The following ZNF385D variants were observed in gnomAD, a reference collection of about 807,000 sequenced individuals.
The protein encoded by ZNF385D is zinc finger protein 659.
In ZNF385D, 15 loss-of-function variants were observed where a neutral mutation model predicts 35.8. That is an observed-to-expected ratio of 0.42 (90% CI 0.28 to 0.64). The LOEUF is 0.64. Ranked by LOEUF, ZNF385D falls within the 30% of genes least tolerant of loss-of-function variation. The pLI, the probability that ZNF385D is intolerant of heterozygous loss-of-function variation, is 0.23. For missense variants in ZNF385D, 474 were observed against 494.6 expected, an observed-to-expected ratio of 0.96 and a Z score of 0.39; for synonymous variants, 212 against 186.8, an observed-to-expected ratio of 1.13 and a Z score of -1.10.
intron 2 of ZNF385D, among the ~76,000 whole-genome samples, chr3:22,281,226 T>C (rs1220661806): frequency 2.0e-5 from 3 of 152,106 alleles, no homozygotes; most frequent in Non-Finnish European, 4.4e-5. Flanking sequence ...ATACCCTTTC[T>C]TTCTTTCTCT....
chr3:21,809,206 G>A (rs989558805), intron 3 of ZNF385D, among the ~76,000 whole-genome samples: 18 of 152,012 alleles, frequency 1.2e-4, no homozygotes, highest in African/African-American at 3.6e-4. Flanking sequence ...GCTCCAGCAT[G>A]CAATAATAAC....
At chr3:21,967,023 TTAAAA>T (rs1702953128) in intron 3 of ZNF385D, among the ~76,000 whole-genome samples, 1 of 152,150 alleles carries the variant, frequency 6.6e-6, no homozygotes, top group Admixed American at 6.5e-5. Flanking sequence ...CACACATAAA[TTAAAA>T]TCTGTATAGT....
intron 2 of ZNF385D, among the ~76,000 whole-genome samples, chr3:22,314,156 G>A (rs887568894): frequency 6.6e-6 from 1 of 151,690 alleles, no homozygotes; most frequent in Non-Finnish European, 1.5e-5. Context: ...TGGAGAACAG[G>A]TGGCAGTTGG....
chr3:21,444,810 AT>A (rs35874907), intron 4 of ZNF385D, among the ~76,000 whole-genome samples: 50,260 of 151,914 alleles, frequency 0.33, 10,197 homozygotes, highest in African/African-American at 0.57. Context: ...TTTATCCAAA[AT>A]TTAGGCAATT....
intron 4 of ZNF385D, among the ~76,000 whole-genome samples, chr3:21,461,034 TGA>T (rs1703136294): frequency 6.6e-6 from 1 of 152,178 alleles, no homozygotes; most frequent in Admixed American, 6.6e-5. Context: ...AAACAAAAAT[TGA>T]GAGACTTGAA....
At chr3:21,990,132 G>C (rs1444581331) in intron 3 of ZNF385D, among the ~76,000 whole-genome samples, 1 of 152,174 alleles carries the variant, frequency 6.6e-6, no homozygotes, top group Non-Finnish European at 1.5e-5. Context: ...TTTTTGTGAG[G>C]CTATGTCAGA....
At chr3:21,929,512 ATTGT>A (rs1700900082) in intron 3 of ZNF385D, among the ~76,000 whole-genome samples, 1 of 152,076 alleles carries the variant, frequency 6.6e-6, no homozygotes, top group Non-Finnish European at 1.5e-5. Context: ...AAAAAGTAAA[ATTGT>A]TTGTATTTGT....
chr3:21,904,101 G>C (rs577174540), intron 3 of ZNF385D, among the ~76,000 whole-genome samples: 1 of 151,722 alleles, frequency 6.6e-6, no homozygotes, highest in South Asian at 2.1e-4. Flanking sequence ...TCAGGAGCTT[G>C]AGACCATCCT....
chr3:22,062,012 A>G (rs1699712244), intron 3 of ZNF385D, among the ~76,000 whole-genome samples: 1 of 152,188 alleles, frequency 6.6e-6, no homozygotes, highest in South Asian at 2.1e-4. Context: ...AATAATTTTA[A>G]ACATGGAAAT....
At chr3:21,514,759 G>A (rs1320654021) in intron 3 of ZNF385D, among the ~76,000 whole-genome samples, 1 of 151,780 alleles carries the variant, frequency 6.6e-6, no homozygotes, top group Non-Finnish European at 1.5e-5. Context: ...AACCTTTCCT[G>A]GTTCTAGAGG....
intron 3 of ZNF385D, among the ~76,000 whole-genome samples, chr3:21,863,231 ATTTCT>A (rs1163024851): frequency 2.0e-5 from 3 of 151,910 alleles, no homozygotes; most frequent in South Asian, 2.1e-4. Context: ...TGATAGCTTC[ATTTCT>A]TTTATTTCTT....
chr3:21,994,819 G>A (rs1695362868), intron 3 of ZNF385D, among the ~76,000 whole-genome samples: 1 of 152,222 alleles, frequency 6.6e-6, no homozygotes, highest in Admixed American at 6.5e-5. Context: ...CATCAATAGT[G>A]TCTATGATTT....
intron 3 of ZNF385D, among the ~76,000 whole-genome samples, chr3:21,809,686 A>T (rs2072821979): frequency 6.6e-6 from 1 of 151,076 alleles, no homozygotes; most frequent in South Asian, 2.1e-4. Context: ...ACACATATAT[A>T]CCTATATACA....
At chr3:22,124,328 G>A (rs1488159929) in intron 3 of ZNF385D, among the ~76,000 whole-genome samples, 2 of 152,064 alleles carry the variant, frequency 1.3e-5, no homozygotes, top group Admixed American at 1.3e-4. Flanking sequence ...CCATTCATCT[G>A]TTGATGGACA....
intron 2 of ZNF385D, among the ~76,000 whole-genome samples, chr3:21,640,646 C>A (rs563613249): frequency 6.6e-6 from 1 of 152,122 alleles, no homozygotes; most frequent in Admixed American, 6.6e-5. Flanking sequence ...CCTTGCCAAA[C>A]ACAGAATCTG....
chr3:21,727,383 G>A (rs1487999520), intron 1 of ZNF385D, among the ~76,000 whole-genome samples: 2 of 152,056 alleles, frequency 1.3e-5, no homozygotes, highest in Non-Finnish European at 2.9e-5. Context: ...AGAGGGAACA[G>A]GCAACCTACA....
intron 2 of ZNF385D, among the ~76,000 whole-genome samples, chr3:21,573,888 C>G (rs1168751483): frequency 6.6e-6 from 1 of 151,582 alleles, no homozygotes; most frequent in Non-Finnish European, 1.5e-5. Context: ...GGTGAAACCC[C>G]ATCTCTACTA....
chr3:22,097,091 A>T (rs1209306599), intron 3 of ZNF385D, among the ~76,000 whole-genome samples: 1 of 149,004 alleles, frequency 6.7e-6, no homozygotes, highest in East Asian at 1.9e-4. Context: ...AGTCATGAGA[A>T]ATGAATTGTC....
intron 4 of ZNF385D, among the ~76,000 whole-genome samples, chr3:21,456,217 C>A (rs1178093003): frequency 6.6e-6 from 1 of 152,042 alleles, no homozygotes; most frequent in African/African-American, 2.4e-5. Flanking sequence ...ACCATTTGAC[C>A]CAGCCATCCC....
Sources: allele counts gnomAD v4.1 joint callset (sites outside exome capture counted in the v4.1 genomes callset), GRCh38; gene constraint gnomAD v4.1.1; transcripts MANE v1.5; gene names NCBI Gene and HGNC (gene_info 2026-07-23, HGNC 2026-07-21).